The following DOCK3 variants were observed in gnomAD, a reference collection of about 807,000 sequenced individuals.
The protein encoded by DOCK3 is dedicator of cytokinesis protein 3.
In DOCK3, 60 loss-of-function variants were observed where a neutral mutation model predicts 265.6. The ratio of observed to expected loss-of-function variants is 0.23; its 90% CI spans 0.18 to 0.28. DOCK3 has a LOEUF of 0.28. Among genes scored for constraint, DOCK3 ranks in the 10% least tolerant of loss-of-function variants. DOCK3 has a pLI of 1.00. For missense variants in DOCK3, 1,981 were observed against 2,594.3 expected (o/e 0.76, Z 5.14); for synonymous variants, 881 against 938.0 (o/e 0.94, Z 1.11).
chr3:51,058,077 G>C (rs1191680165), intron 5 of DOCK3, among the ~76,000 whole-genome samples: 1 of 152,138 alleles, frequency 6.6e-6, no homozygotes, highest in African/African-American at 2.4e-5. Context: ...GGTAGGGGCT[G>C]TAGTCCTTTG....
At chr3:50,954,983 T>C (rs961173425) in intron 5 of DOCK3, among the ~76,000 whole-genome samples, 4 of 152,176 alleles carry the variant, frequency 2.6e-5, no homozygotes, top group Admixed American at 6.5e-5. Context: ...TTAATCCATC[T>C]TGAGTTGATT....
intron 17 of DOCK3, among the ~76,000 whole-genome samples, 196 bp downstream of exon 17, chr3:51,228,284 A>C (rs967378567): frequency 6.6e-6 from 1 of 152,194 alleles, no homozygotes; most frequent in African/African-American, 2.4e-5. Context: ...AGTAACGCCA[A>C]CAGGTTCTTT....
intron 15 of DOCK3, among the ~76,000 whole-genome samples, chr3:51,226,754 C>A (rs1000818181): frequency 6.6e-6 from 1 of 152,166 alleles, no homozygotes; most frequent in South Asian, 2.1e-4. Flanking sequence ...GAGACAGCAT[C>A]TTCATGGCAA....
At chr3:50,803,267 G>A (rs2043166372) in intron 2 of DOCK3, among the ~76,000 whole-genome samples, 1 of 151,952 alleles carries the variant, frequency 6.6e-6, no homozygotes, top group South Asian at 2.1e-4. Flanking sequence ...TTAGGGAGTG[G>A]TGATGACTCT....
intron 5 of DOCK3, among the ~76,000 whole-genome samples, chr3:51,018,563 G>C (rs1245623932): frequency 6.6e-6 from 1 of 151,356 alleles, no homozygotes; most frequent in Non-Finnish European, 1.5e-5. Context: ...ATTTTGTTCA[G>C]ATTTTGAAGT....
intron 5 of DOCK3, among the ~76,000 whole-genome samples, chr3:50,938,053 A>G (rs1392056590): frequency 1.3e-5 from 2 of 152,106 alleles, no homozygotes; most frequent in East Asian, 3.8e-4. Context: ...ATACTATGCA[A>G]ACATTAATAG....
At chr3:50,915,418 C>T (rs1454671259) in intron 4 of DOCK3, among the ~76,000 whole-genome samples, 1 of 152,060 alleles carries the variant, frequency 6.6e-6, no homozygotes, top group Non-Finnish European at 1.5e-5. Flanking sequence ...AATGACTCCC[C>T]TCCCCAGCGA....
intron 38 of DOCK3, among the ~76,000 whole-genome samples, chr3:51,344,758 C>T (rs918673506): frequency 3.3e-5 from 5 of 152,116 alleles, no homozygotes; most frequent in Non-Finnish European, 7.4e-5. Flanking sequence ...GGATGCATTG[C>T]GCCTGTAGTA....
intron 2 of DOCK3, among the ~76,000 whole-genome samples, chr3:50,835,123 A>C (rs951063129): frequency 3.9e-5 from 6 of 152,146 alleles, no homozygotes; most frequent in African/African-American, 1.2e-4. Context: ...TACAAGATTA[A>C]TTTTTCACAA....
At chr3:51,275,738 T>G (rs903939804) in intron 25 of DOCK3, among the ~76,000 whole-genome samples, 5 of 152,118 alleles carry the variant, frequency 3.3e-5, no homozygotes, top group African/African-American at 4.8e-5. Context: ...AGGGGTCGGG[T>G]TTCAACTGAT....
intron 5 of DOCK3, among the ~76,000 whole-genome samples, chr3:50,979,016 C>T (rs974295570): frequency 3.3e-5 from 5 of 152,126 alleles, no homozygotes; most frequent in South Asian, 2.1e-4. Flanking sequence ...GCGTACGGTG[C>T]GCACACCCAC....
intron 9 of DOCK3, among the ~76,000 whole-genome samples, chr3:51,092,596 T>G (rs971766771): frequency 6.6e-6 from 1 of 152,172 alleles, no homozygotes; most frequent in Non-Finnish European, 1.5e-5. Context: ...TTCAGCAGAC[T>G]TTAGTTTCCC....
At chr3:51,215,931 G>C (rs1351945021) in intron 14 of DOCK3, among the ~76,000 whole-genome samples, 1 of 151,716 alleles carries the variant, frequency 6.6e-6, no homozygotes, top group Non-Finnish European at 1.5e-5. Flanking sequence ...AGCTCTTTCT[G>C]GGCTGGTAAT....
chr3:50,757,720 T>G (rs1260576113), intron 1 of DOCK3, among the ~76,000 whole-genome samples: 3 of 152,180 alleles, frequency 2.0e-5, no homozygotes, highest in African/African-American at 7.2e-5. Flanking sequence ...TTACTCCTGT[T>G]TAAGAATTCT....
intron 12 of DOCK3, among the ~76,000 whole-genome samples, chr3:51,166,203 A>G (rs1049920933): frequency 6.6e-6 from 1 of 151,894 alleles, no homozygotes; most frequent in African/African-American, 2.4e-5. Flanking sequence ...GGTGCCCACC[A>G]CCATGCCCAG....
intron 1 of DOCK3, among the ~76,000 whole-genome samples, chr3:50,677,164 A>T (rs953279611): frequency 3.9e-5 from 6 of 152,300 alleles, no homozygotes; most frequent in Admixed American, 3.9e-4. Context: ...AATGAGAGAG[A>T]CAGTTACACT....
intron 9 of DOCK3, among the ~76,000 whole-genome samples, chr3:51,137,479 T>C (rs2084857892): frequency 6.6e-6 from 1 of 152,194 alleles, no homozygotes; most frequent in Admixed American, 6.5e-5. Context: ...GATAAGAAAC[T>C]CGTCTCTGCC....
At chr3:51,066,282 G>A (rs993987116) in intron 6 of DOCK3, among the ~76,000 whole-genome samples, 2 of 152,116 alleles carry the variant, frequency 1.3e-5, no homozygotes, top group Admixed American at 1.3e-4. Flanking sequence ...AAGATTGAAA[G>A]CGTCCCACTA....
chr3:50,901,871 A>G (rs993271605), intron 4 of DOCK3, among the ~76,000 whole-genome samples: 2 of 152,102 alleles, frequency 1.3e-5, no homozygotes, highest in African/African-American at 2.4e-5. Context: ...CACCCACCTT[A>G]TGCATTGATG....
Sources: allele counts gnomAD v4.1 joint callset (sites outside exome capture counted in the v4.1 genomes callset), GRCh38; gene constraint gnomAD v4.1.1; transcripts MANE v1.5; gene names NCBI Gene and HGNC (gene_info 2026-07-23, HGNC 2026-07-21).